The following ELFN1 variants were observed in gnomAD, a reference collection of about 807,000 sequenced individuals.
ELFN1 encodes the protein protein ELFN1.
In ELFN1, 6 loss-of-function variants were observed where a neutral mutation model predicts 7.6. The observed-to-expected ratio is 0.79, with a 90% CI of 0.43 to 1.56. The LOEUF (loss-of-function observed/expected upper bound fraction) is 1.56. Ranked by LOEUF, ELFN1 falls within the 40% of genes most tolerant of loss-of-function variation. The pLI is 0.01. For missense variants in ELFN1, 1,169 were observed against 1,232.2 expected (o/e 0.95, Z 0.77); for synonymous variants, 657 against 588.1 (o/e 1.12, Z -1.70).
intron 3 of ELFN1, among the ~76,000 whole-genome samples, chr7:1,717,872 C>T (rs555786702): frequency 3.3e-5 from 5 of 152,290 alleles, no homozygotes; most frequent in South Asian, 2.1e-4. Context: ...TCCCCCTATG[C>T]GCAGAGTACC....
chr7:1,715,432 C>T (rs2128590093), intron 3 of ELFN1, among the ~76,000 whole-genome samples: 1 of 152,220 alleles, frequency 6.6e-6, no homozygotes, highest in African/African-American at 2.4e-5. Context: ...TGTCTCCCCT[C>T]TGCACACACC....
At position 1,746,860 on chromosome 7, in the gene ELFN1, C is replaced by T. The variant is rs1284863581; in HGVS notation, c.2264C>T (p.Pro755Leu). 1 of 1,540,912 alleles carries T rather than the reference C, an allele frequency of 6.5e-7. No homozygotes were observed. The highest frequency in any genetic ancestry group is 8.8e-7 in the Non-Finnish European group (1 of 1,142,398). Residue 755 changes from proline (P) to leucine (L), a missense_variant, in exon 4 of 4, where the codon CCG becomes CTG. Transcript: ENST00000424383. ...GACCTCGCCTACTCGCAGCTGTCCC[C>T]GCAGTACCACAGCCTGAGCTACTCC... ...PRDLAYSQLS[P>L]QYHSLSYSSS...
At chr7:1,672,688 C>T (rs1208121567) in intron 1 of ELFN1, among the ~76,000 whole-genome samples, 1 of 152,142 alleles carries the variant, frequency 6.6e-6, no homozygotes, top group Non-Finnish European at 1.5e-5. Context: ...AAGCCTCCTT[C>T]TAAGGTCCCC....
intron 3 of ELFN1, among the ~76,000 whole-genome samples, chr7:1,722,518 C>CG (rs1206118188): frequency 6.6e-6 from 1 of 151,800 alleles, no homozygotes; most frequent in East Asian, 2.0e-4. Context: ...ATCCACCCCC[C>CG]GCTCAGCCTC....
intron 1 of ELFN1, among the ~76,000 whole-genome samples, chr7:1,672,842 G>A (rs1778792877): frequency 6.6e-6 from 1 of 152,084 alleles, no homozygotes; most frequent in African/African-American, 2.4e-5. Context: ...TGGACTTGGG[G>A]TGTTCATATA....
intron 1 of ELFN1, among the ~76,000 whole-genome samples, chr7:1,674,815 G>A (rs1778835780): frequency 6.6e-6 from 1 of 152,136 alleles, no homozygotes; most frequent in Admixed American, 6.5e-5. Flanking sequence ...TCCGAGGGAG[G>A]GATGGGGACA....
rs550338594 is a variant in ELFN1 at position 1,673,549 on chromosome 7, G to A, written c.-549+3195G>A. On this transcript the variant is annotated intron_variant, in intron 1 of 3. Transcript: ENST00000424383. This position sits in a 1 kb window ranked among gnomAD's most constrained non-coding sequence, Gnocchi z 4.7. ...GGCTGGTGGATTGAGACCTGGTTCT[G>A]TCCCACCTCTTCCAGCCTCCTGGGG... 2.5e-4 allele frequency among the ~76,000 whole-genome samples: 38 copies of A among 151,918 alleles called. No individual in the cohort carries two copies. Among genetic ancestry groups the A allele is most frequent in the Admixed American group, 2.5e-3 (38 of 15,284 alleles).
intron 1 of ELFN1, among the ~76,000 whole-genome samples, chr7:1,675,930 G>A (rs566226077): frequency 1.3e-5 from 2 of 152,326 alleles, no homozygotes; most frequent in Middle Eastern, 3.4e-3. Flanking sequence ...CTCCCTAGAA[G>A]CCCAAGGGGC....
At chr7:1,684,731 T>C (rs1779034659) in intron 1 of ELFN1, among the ~76,000 whole-genome samples, 1 of 152,180 alleles carries the variant, frequency 6.6e-6, no homozygotes, top group Non-Finnish European at 1.5e-5. Flanking sequence ...GAAACTTTAC[T>C]CCAACATAGC....
intron 3 of ELFN1, among the ~76,000 whole-genome samples, chr7:1,711,116 C>G (rs1481116807): frequency 6.6e-6 from 1 of 152,210 alleles, no homozygotes; most frequent in Non-Finnish European, 1.5e-5. Context: ...GTCCCTCCTT[C>G]CCATCTGGGA....
rs781059252 is a variant in ELFN1, at chr7:1,746,964, GAA to G, written c.2369_2370del (p.Glu790GlyfsTer199). 1 of 1,554,514 alleles carries G rather than the reference GAA, an allele frequency of 6.4e-7. No homozygotes were observed. Among genetic ancestry groups the G allele is most frequent in the Non-Finnish European group, 8.7e-7 (1 of 1,149,624 alleles). On this transcript the variant is annotated frameshift_variant, in exon 4 of 4. Transcript: ENST00000424383. LOFTEE classifies it high-confidence loss of function. ...FRLSRRRHKE[E>X]EEFMAAGHAL... ...ACTGAGCCGCCGGCGGCACAAGGAGGAAGAGGAGTTCATGGCCGCGGGCCATG... is the reference window on the plus strand; with the variant it reads ...ACTGAGCCGCCGGCGGCACAAGGAGGGAGGAGTTCATGGCCGCGGGCCATG...
rs1251219732 is a variant in ELFN1, at chr7:1,746,575, A to G, written c.1979A>G (p.His660Arg). Reference protein sequence around the residue: ...RAFRAEAVGVHKAAAAEAKYI... With the variant: ...RAFRAEAVGVRKAAAAEAKYI... ...TTCCGAGCCGAGGCCGTCGGGGTGC[A>G]CAAGGCCGCGGCCGCCGAGGCCAAG... is the stretch of plus-strand genomic sequence containing the variant. Residue 660 changes from histidine to arginine, a missense_variant, in exon 4 of 4, where the codon CAC (histidine) becomes CGC (arginine). Physicochemically the swap from His to Arg is conservative, Grantham distance 29 (BLOSUM62 0). Coordinates refer to ENST00000424383, the MANE Select transcript of ELFN1 (RefSeq NM_001128636.4). 6.7e-6 allele frequency: 9 copies of G among 1,350,882 alleles called. No homozygotes were observed. The highest frequency in any genetic ancestry group is 8.5e-6 in the Non-Finnish European group (9 of 1,056,464). 83.7% of individuals were successfully genotyped at this position (1,350,882 alleles called of 1,614,324 possible). A position where few individuals can be genotyped will look rare whatever the true frequency, so the allele number is the denominator to read the frequency against.
chr7:1,676,675 G>C (rs1170155781), intron 1 of ELFN1, among the ~76,000 whole-genome samples: 1 of 152,238 alleles, frequency 6.6e-6, no homozygotes, highest in Non-Finnish European at 1.5e-5. Flanking sequence ...AAAGAGACAG[G>C]GAAGGAGGAT....
At position 1,699,907 on chromosome 7, in the gene ELFN1, C is replaced by T. The variant is rs544348735; in HGVS notation, c.-455-9184C>T. On this transcript the variant is annotated intron_variant, in intron 2 of 3. Transcript: ENST00000424383. ...TCAGTAGAGATGGGCACCATGTTGGCCAGGCTGGTCTCGAACTCCTGAGCT... is the reference window on the plus strand; with the variant it reads ...TCAGTAGAGATGGGCACCATGTTGGTCAGGCTGGTCTCGAACTCCTGAGCT... 2.0e-5 allele frequency among the ~76,000 whole-genome samples: 3 copies of T among 151,710 alleles called. No individual in the cohort carries two copies. The South Asian group carries it at 6.3e-4, about 32-fold the overall frequency.
chr7:1,714,670 G>A (rs553783222), intron 3 of ELFN1, among the ~76,000 whole-genome samples: 3 of 152,340 alleles, frequency 2.0e-5, no homozygotes, highest in South Asian at 2.1e-4. Context: ...TAAGTGTGCA[G>A]AGGTGTTCAA....
At chr7:1,726,289 C>T (rs554795145) in intron 3 of ELFN1, among the ~76,000 whole-genome samples, 1 of 152,324 alleles carries the variant, frequency 6.6e-6, no homozygotes, top group South Asian at 2.1e-4. Context: ...CACCCCAAGC[C>T]GAGAGCCGCA....
chr7:1,668,100 C>T (rs1481856841), upstream of ELFN1, among the ~76,000 whole-genome samples: 2 of 152,184 alleles, frequency 1.3e-5, no homozygotes, highest in Non-Finnish European at 2.9e-5. Flanking sequence ...GATCTCGCCT[C>T]CCACGGCCCC....
In ELFN1 at chr7:1,746,929, A is replaced by G; in HGVS notation, c.2333A>G (p.Glu778Gly). ...YTCRASQSIW[E>G]RFRLSRRRHK... ...TGCCGGGCCTCCCAGAGCATCTGGG[A>G]GCGCTTCAGACTGAGCCGCCGGCGG... Residue 778 changes from glutamate to glycine, a missense_variant, in exon 4 of 4, where the codon GAG becomes GGG. Glu to Gly is a moderately conservative substitution (Grantham distance 98). Around this residue, in one of 2 missense-constraint regions of ELFN1, gnomAD observed 914 missense variants for 872.6 expected, o/e 1.05. Coordinates refer to ENST00000424383, the MANE Select transcript of ELFN1 (RefSeq NM_001128636.4). 1 of 1,549,530 alleles carries G rather than the reference A, an allele frequency of 6.5e-7. No homozygotes were observed. The highest frequency in any genetic ancestry group is 8.7e-7 in the Non-Finnish European group (1 of 1,146,632).
At position 1,745,654 on chromosome 7, in the gene ELFN1, C is replaced by G; in HGVS notation, c.1058C>G (p.Ala353Gly). ...CTGGAGCATTTCAACAACAGCAAGG[C>G]CTCCACCGTGTCCAGGCTGACCAAG... ...YTLEHFNNSK[A>G]STVSRLTKAQ... The change falls in exon 4 of 4, where the codon GCC (alanine) becomes GGC (glycine). Residue 353 changes from alanine (A) to glycine (G), a missense_variant. Physicochemically the swap from Ala to Gly is moderately conservative, Grantham distance 60. Around this residue, in one of 2 missense-constraint regions of ELFN1, gnomAD observed 914 missense variants for 872.6 expected, o/e 1.05. Transcript: ENST00000424383. 6.4e-7 allele frequency: 1 copy of G among 1,551,288 alleles called. No individual in the cohort carries two copies. Among genetic ancestry groups the G allele is most frequent in the Non-Finnish European group, 8.7e-7 (1 of 1,147,004 alleles).
Sources: gnomAD v4.1 joint callset for allele counts (sites outside exome capture counted in the v4.1 genomes callset) on GRCh38, gnomAD v4.1.1 for gene constraint, gnomAD v4.1.1 regional missense constraint, Gnocchi (gnomAD v3.1) non-coding constraint, MANE v1.5 for transcripts, NCBI Gene and HGNC (gene_info 2026-07-23, HGNC 2026-07-21) for gene names.